The following MIPOL1 variants were observed in gnomAD, a reference collection of about 807,000 sequenced individuals.
MIPOL1 encodes mirror-image polydactyly gene 1 protein.
A neutral mutation model predicts 60.9 loss-of-function variants in MIPOL1; 57 were observed. The observed-to-expected ratio is 0.94, with a 90% CI of 0.76 to 1.17. The LOEUF is 1.17. Ranked by LOEUF, MIPOL1 falls within the 50% of genes most tolerant of loss-of-function variation. MIPOL1 has a pLI of 0.00. For missense variants in MIPOL1, 551 were observed against 511.6 expected, an observed-to-expected ratio of 1.08 and a Z score of -0.74; for synonymous variants, 179 against 168.8, an observed-to-expected ratio of 1.06 and a Z score of -0.47.
At chr14:37,240,442 G>A (rs1308490047) in intron 1 of MIPOL1, 2 of 152,074 alleles carry the variant, frequency 1.3e-5, no homozygotes, top group African/African-American at 4.8e-5. Flanking sequence ...GCTTTGATTT[G>A]CCAGGAACTT....
intron 10 of MIPOL1, among the ~76,000 whole-genome samples, chr14:37,418,702 T>C (rs925918067): frequency 6.6e-6 from 1 of 152,082 alleles, no homozygotes; most frequent in African/African-American, 2.4e-5. Flanking sequence ...GTTTTATATC[T>C]TGCAAAATAG....
intron 1 of MIPOL1, among the ~76,000 whole-genome samples, chr14:37,209,892 G>A (rs74724082): frequency 6.7e-6 from 1 of 148,836 alleles, no homozygotes; most frequent in Non-Finnish European, 1.5e-5. Flanking sequence ...TTTTTTTTTG[G>A]TAGACATGAG....
Position 37,285,521 on chromosome 14 carries a change from A to G in MIPOL1, c.623+74A>G, listed in dbSNP as rs137976669. The G allele has an allele frequency of 2.3e-4, 330 of 1,454,474 alleles. 1 individual carries two copies. The African/African-American group carries it at 4.0e-3, about 18-fold the overall frequency. 90.1% of individuals were successfully genotyped at this position (1,454,474 alleles called of 1,614,324 possible). On this transcript the variant is annotated intron_variant, in intron 7 of 12. Coordinates refer to ENST00000684589, the MANE Select transcript of MIPOL1 (RefSeq NM_001388067.1). ...GGCATGCTTTAGGTGGTAGTTACAT[A>G]TTTAAAAATGTGACTTATGCTTATG...
At chr14:37,316,029 ATTTT>A (rs374928678) in intron 9 of MIPOL1, among the ~76,000 whole-genome samples, 2 of 143,372 alleles carry the variant, frequency 1.4e-5, no homozygotes, top group Non-Finnish European at 1.5e-5. Flanking sequence ...TATTTATTTA[ATTTT>A]TTTTTTTTTT....
chr14:37,248,419 G>A (rs1363223788), intron 3 of MIPOL1, among the ~76,000 whole-genome samples: 8 of 152,024 alleles, frequency 5.3e-5, no homozygotes, highest in South Asian at 4.2e-4. Flanking sequence ...GAGAGATACC[G>A]CAGTAAGAGA....
chr14:37,276,739 C>G (rs1391707815), intron 6 of MIPOL1: 1 of 150,712 alleles, frequency 6.6e-6, no homozygotes, highest in Non-Finnish European at 1.5e-5. Flanking sequence ...TACTTGAATG[C>G]CTTAATAGTA....
chr14:37,243,656 GA>G (rs1972697176), intron 1 of MIPOL1, among the ~76,000 whole-genome samples: 1 of 152,144 alleles, frequency 6.6e-6, no homozygotes, highest in African/African-American at 2.4e-5. Flanking sequence ...AAAGTCAGCT[GA>G]AAACGTTTGC....
chr14:37,303,787 G>A (rs35969066), intron 7 of MIPOL1, among the ~76,000 whole-genome samples: 13,386 of 151,788 alleles, frequency 0.088, 736 homozygotes, highest in South Asian at 0.2. Context: ...ATTGACTTAA[G>A]TAAATAAGTA....
intron 7 of MIPOL1, among the ~76,000 whole-genome samples, chr14:37,293,581 G>A (rs548265824): frequency 6.6e-6 from 1 of 152,274 alleles, no homozygotes; most frequent in South Asian, 2.1e-4. Flanking sequence ...GTGACAGACG[G>A]CACCTGGAAA....
chr14:37,249,356 C>T (rs142262437), intron 3 of MIPOL1, among the ~76,000 whole-genome samples: 73 of 152,078 alleles, frequency 4.8e-4, no homozygotes, highest in Non-Finnish European at 7.9e-4. Context: ...TTTTGAGGAC[C>T]GTTCTATAAT....
At chr14:37,246,239 G>A (rs969609496) in intron 1 of MIPOL1, among the ~76,000 whole-genome samples, 4 of 152,032 alleles carry the variant, frequency 2.6e-5, no homozygotes, top group Admixed American at 2.6e-4. Context: ...TGGCAGTCTC[G>A]TTGGGTACTA....
rs189511223 is a variant in MIPOL1, at chr14:37,374,366, C to T, written c.936+4742C>T. ...TCACTCTGATGGTAGTTTCTTTTGC[C>T]GTGCAGAAGCTCCTTAGTTTAATTA... On this transcript the variant is annotated intron_variant, in intron 10 of 12. Transcript: ENST00000684589. 9.6e-4 allele frequency among the ~76,000 whole-genome samples: 146 copies of T among 152,040 alleles called. 1 individual carries two copies. In the Middle Eastern group the frequency reaches 0.01, roughly 11 times the overall value.
chr14:37,369,420 TAG>T, intron 9 of MIPOL1, 95 bp from the exon 10 acceptor site: 1 of 753,592 alleles, frequency 1.3e-6, no homozygotes, highest in Non-Finnish European at 2.1e-6. Context: ...CCTTGTCTTT[TAG>T]AGAATACAAT....
intron 7 of MIPOL1, among the ~76,000 whole-genome samples, chr14:37,287,311 A>G (rs1264512612): frequency 6.6e-6 from 1 of 152,030 alleles, no homozygotes; most frequent in East Asian, 1.9e-4. Context: ...CAGTGGTGCA[A>G]TCAGAGCTCA....
rs1422672715 is a variant in MIPOL1, at chr14:37,301,619, C to T, written c.624-6437C>T. 2.5e-4 allele frequency among the ~76,000 whole-genome samples: 4 copies of T among 16,096 alleles called. 2 individuals are homozygous for T. The highest frequency in any genetic ancestry group is 3.1e-4 in the African/African-American group (4 of 12,788). 10.6% of individuals were successfully genotyped at this position (16,096 alleles called of 152,430 possible). A position where few individuals can be genotyped will look rare whatever the true frequency, so the allele number is the denominator to read the frequency against. On this transcript the variant is annotated intron_variant, in intron 7 of 12. Transcript: ENST00000684589. ...TTATTTATCGTAGTCTGCATTCTAT[C>T]CTAGTGTCCTTTGATCTCCTAGTTG...
intron 1 of MIPOL1, among the ~76,000 whole-genome samples, chr14:37,208,188 T>C (rs1361682923): frequency 1.3e-5 from 2 of 152,196 alleles, no homozygotes; most frequent in East Asian, 1.9e-4. Flanking sequence ...TGTGTTAGGA[T>C]GGTTTGATTA....
intron 11 of MIPOL1, among the ~76,000 whole-genome samples, chr14:37,485,325 T>C (rs2094931098): frequency 6.6e-6 from 1 of 152,230 alleles, no homozygotes; most frequent in Non-Finnish European, 1.5e-5. Context: ...TGGAATGATT[T>C]ATAATCCTTT....
At chr14:37,212,205 G>A (rs1252112872) in intron 1 of MIPOL1, 1 of 152,142 alleles carries the variant, frequency 6.6e-6, no homozygotes, top group Non-Finnish European at 1.5e-5. Flanking sequence ...AAAGTAAAGA[G>A]GATGGACTTT....
At chr14:37,243,614 G>A (rs1972692482) in intron 1 of MIPOL1, among the ~76,000 whole-genome samples, 1 of 152,104 alleles carries the variant, frequency 6.6e-6, no homozygotes, top group Admixed American at 6.5e-5. Flanking sequence ...TTGTGATTAA[G>A]CTAAGAAAAT....
Sources: allele counts gnomAD v4.1 joint callset (sites outside exome capture counted in the v4.1 genomes callset), GRCh38; gene constraint gnomAD v4.1.1; transcripts MANE v1.5; gene names NCBI Gene and HGNC (gene_info 2026-07-23, HGNC 2026-07-21).